The following FOXP1 variants were observed in gnomAD, a reference collection of about 807,000 sequenced individuals.
FOXP1 encodes forkhead box protein P1.
In FOXP1, 15 loss-of-function variants were observed where a neutral mutation model predicts 98.2. That is an observed-to-expected ratio of 0.15 (90% CI 0.10 to 0.24). The LOEUF (loss-of-function observed/expected upper bound fraction) is 0.24, where lower values mean the gene tolerates loss of function less well. FOXP1 is among the 10% of genes least tolerant of loss of function. The probability of loss-of-function intolerance (pLI) is 1.00; values close to 1 mark genes in which losing one functional copy is unlikely to be tolerated. For synonymous variants in FOXP1, 371 were observed against 314.5 expected, an observed-to-expected ratio of 1.18 and a Z score of -1.90; for missense variants, 633 against 848.5, an observed-to-expected ratio of 0.75 and a Z score of 3.15.
chr3:71,001,758 A>G (rs1347062714), intron 12 of FOXP1, among the ~76,000 whole-genome samples: 1 of 152,192 alleles, frequency 6.6e-6, no homozygotes, highest in East Asian at 1.9e-4. Context: ...AACAGGGAAA[A>G]GGCTAACAAA....
chr3:71,165,735 C>T (rs1576151911), intron 6 of FOXP1, among the ~76,000 whole-genome samples: 1 of 152,126 alleles, frequency 6.6e-6, no homozygotes, highest in Admixed American at 6.5e-5. Flanking sequence ...ATGGTCTAGA[C>T]ATCACCCACC....
intron 3 of FOXP1, among the ~76,000 whole-genome samples, chr3:71,366,043 C>T (rs1178563313): frequency 2.0e-5 from 3 of 152,138 alleles, no homozygotes; most frequent in Non-Finnish European, 4.4e-5. Flanking sequence ...AGCTACATGT[C>T]CAGTGATAGA....
At chr3:71,062,482 G>A (rs1214878357) in intron 7 of FOXP1, among the ~76,000 whole-genome samples, 1 of 152,112 alleles carries the variant, frequency 6.6e-6, no homozygotes, top group Non-Finnish European at 1.5e-5. Context: ...CCCTTCCAGA[G>A]AAAGAAGAAA....
At chr3:71,061,510 A>G (rs963009521) in intron 7 of FOXP1, among the ~76,000 whole-genome samples, 4 of 152,182 alleles carry the variant, frequency 2.6e-5, no homozygotes, top group African/African-American at 7.2e-5. Context: ...AAGTAACCTA[A>G]TATTTGCAAG....
At chr3:71,436,276 A>G (rs546342381) in intron 3 of FOXP1, among the ~76,000 whole-genome samples, 14 of 152,124 alleles carry the variant, frequency 9.2e-5, no homozygotes, top group Non-Finnish European at 1.8e-4. Flanking sequence ...TCTGAGATCA[A>G]CAAAGCACAT....
intron 3 of FOXP1, among the ~76,000 whole-genome samples, chr3:71,475,811 T>C (rs776103299): frequency 1.7e-4 from 26 of 151,040 alleles, no homozygotes; most frequent in Non-Finnish European, 3.8e-4. Context: ...CACTGCACTC[T>C]AGCCTGGGAG....
At chr3:71,470,569 T>A (rs771165005) in intron 3 of FOXP1, among the ~76,000 whole-genome samples, 1 of 151,816 alleles carries the variant, frequency 6.6e-6, no homozygotes, top group Non-Finnish European at 1.5e-5. Flanking sequence ...GTGAACCGCG[T>A]CTCCACCAAA....
Position 71,040,640 on chromosome 3 carries a change from C to T in FOXP1, c.869+688G>A, listed in dbSNP as rs142780986. Among the ~76,000 whole-genome samples, 374 of 152,208 alleles carry T rather than the reference C, an allele frequency of 2.5e-3. 3 individuals carry two copies. Among genetic ancestry groups the T allele is most frequent in the African/African-American group, 8.6e-3 (358 of 41,522 alleles). On this transcript the variant is annotated intron_variant, in intron 11 of 20. Transcript: ENST00000649528. Reference sequence around the variant, plus strand: ...AGTAACATTCATGTAAAGCCCAGGGCAATTCAAAAATAAAATGTCTTAACT... The same window carrying T: ...AGTAACATTCATGTAAAGCCCAGGGTAATTCAAAAATAAAATGTCTTAACT...
In FOXP1 at chr3:70,970,724, C is replaced by T. The variant is rs150547886; in HGVS notation, c.1722+12G>A. On this transcript the variant is annotated intron_variant, in intron 19 of 20. Coordinates refer to ENST00000649528, the MANE Select transcript of FOXP1 (RefSeq NM_001349338.3). ...GCCTCTGCTGCATATTCGGGACGGC[C>T]GTTAATCTTACCTGTAAAGCTGCAT... is the stretch of plus-strand genomic sequence containing the variant. 766 of 1,609,376 alleles carry T rather than the reference C, an allele frequency of 4.8e-4. 3 individuals carry two copies. In the African/African-American group the frequency reaches 8.6e-3, roughly 18 times the overall value.
chr3:71,323,471 G>A (rs1324007067), intron 4 of FOXP1, among the ~76,000 whole-genome samples: 1 of 152,004 alleles, frequency 6.6e-6, no homozygotes, highest in Admixed American at 6.6e-5. Context: ...CCAAGAATAT[G>A]AGCAATAAGA....
chr3:71,160,898 T>A (rs1322162345), intron 6 of FOXP1, among the ~76,000 whole-genome samples: 1 of 152,186 alleles, frequency 6.6e-6, no homozygotes, highest in South Asian at 2.1e-4. Flanking sequence ...TAGATTGAAC[T>A]ACAGAAGCCT....
intron 2 of FOXP1, among the ~76,000 whole-genome samples, chr3:71,556,771 C>A (rs2046174478): frequency 1.3e-5 from 2 of 151,468 alleles, no homozygotes; most frequent in South Asian, 4.2e-4. Flanking sequence ...CACCCTTTGA[C>A]CTAGTAAATT....
chr3:71,581,737 T>A, intron 1 of FOXP1, 40 bp from the exon 2 acceptor site: 1 of 985,718 alleles, frequency 1.0e-6, no homozygotes, highest in Non-Finnish European at 1.2e-6. Context: ...TCAGCAAGTC[T>A]TCCCCGTGCA....
At chr3:71,384,816 T>C (rs1246597198) in intron 3 of FOXP1, among the ~76,000 whole-genome samples, 1 of 152,202 alleles carries the variant, frequency 6.6e-6, no homozygotes, top group Non-Finnish European at 1.5e-5. Context: ...AATGGCCATG[T>C]AAGGAATTAA....
intron 11 of FOXP1, among the ~76,000 whole-genome samples, chr3:71,039,346 G>T (rs1258929971): frequency 5.9e-5 from 9 of 152,114 alleles, no homozygotes; most frequent in African/African-American, 2.2e-4. Flanking sequence ...AACAAACTTA[G>T]TCTCCCAGAA....
chr3:70,972,061 G>A, intron 18 of FOXP1: 2 of 1,513,136 alleles, frequency 1.3e-6, no homozygotes, highest in Non-Finnish European at 1.8e-6. Flanking sequence ...TGCGAGGACG[G>A]CCTCGTTGAA....
chr3:71,032,245 T>C (rs2106686668), intron 11 of FOXP1, among the ~76,000 whole-genome samples: 1 of 152,240 alleles, frequency 6.6e-6, no homozygotes, highest in East Asian at 1.9e-4. Flanking sequence ...GATTGTCCCA[T>C]ATTAACACCA....
intron 2 of FOXP1, among the ~76,000 whole-genome samples, chr3:71,500,930 A>G (rs1371918521): frequency 5.3e-5 from 8 of 152,334 alleles, no homozygotes; most frequent in Admixed American, 2.0e-4. Flanking sequence ...AGTGGCTCAC[A>G]TCGTTAATTT....
Position 71,270,584 on chromosome 3 carries a change from C to T in FOXP1, c.-12+29236G>A, listed in dbSNP as rs1340959188. Reference sequence around the variant, plus strand: ...AAAAATATTATGCAAAGGATTTATGCTTTAAGTGAATGAAAATTTCGTCTT... The same window carrying T: ...AAAAATATTATGCAAAGGATTTATGTTTTAAGTGAATGAAAATTTCGTCTT... On this transcript the variant is annotated intron_variant, in intron 5 of 20. Transcript: ENST00000649528. 2.6e-5 allele frequency among the ~76,000 whole-genome samples: 4 copies of T among 152,296 alleles called. No individual in the cohort carries two copies. The East Asian group carries it at 5.8e-4, about 22-fold the overall frequency.
Sources: allele counts gnomAD v4.1 joint callset (sites outside exome capture counted in the v4.1 genomes callset), GRCh38; gene constraint gnomAD v4.1.1; transcripts MANE v1.5; gene names NCBI Gene and HGNC (gene_info 2026-07-23, HGNC 2026-07-21).